Variants in QTMAN observed in about 807,000 individuals in gnomAD.
The protein encoded by QTMAN is tRNA-queuosine alpha-mannosyltransferase.
the QTMAN span, among the ~76,000 whole-genome samples, chr2:144,081,245 G>A: frequency 6.6e-6 from 1 of 152,090 alleles, no homozygotes; most frequent in Non-Finnish European, 1.5e-5. Flanking sequence ...GTTGTCCTGA[G>A]GGTTAAGATA....
At chr2:144,211,120 T>A in the QTMAN span, 1 of 152,170 alleles carries the variant, frequency 6.6e-6, no homozygotes, top group African/African-American at 2.4e-5. Context: ...ATGTTTCTTA[T>A]GGGTCTGGTT....
At chr2:144,107,676 C>T in the QTMAN span, among the ~76,000 whole-genome samples, 3 of 152,146 alleles carry the variant, frequency 2.0e-5, no homozygotes, top group East Asian at 5.8e-4. Context: ...ACCAGAGGTA[C>T]AAGGAGGAGC....
the QTMAN span, among the ~76,000 whole-genome samples, chr2:144,182,436 T>C: frequency 6.6e-6 from 1 of 151,332 alleles, no homozygotes; most frequent in Non-Finnish European, 1.5e-5. Flanking sequence ...AGGTCAAGAG[T>C]ACAAGACCAG....
At chr2:144,145,774 A>C in the QTMAN span, 1 of 1,569,748 alleles carries the variant, frequency 6.4e-7, no homozygotes, top group Admixed American at 1.7e-5. Context: ...TACTGTCCCA[A>C]GTATGTTTGA....
chr2:144,118,915 A>C, the QTMAN span, among the ~76,000 whole-genome samples: 30 of 152,254 alleles, frequency 2.0e-4, no homozygotes, highest in African/African-American at 7.2e-4. Context: ...ATTTAAAAAT[A>C]TGGATCGTGA....
the QTMAN span, among the ~76,000 whole-genome samples, chr2:144,124,406 T>C: frequency 6.6e-6 from 1 of 152,152 alleles, no homozygotes; most frequent in Non-Finnish European, 1.5e-5. Context: ...ACGAATTAAA[T>C]AAGATATGCA....
At chr2:144,106,919 G>T in the QTMAN span, among the ~76,000 whole-genome samples, 1 of 152,192 alleles carries the variant, frequency 6.6e-6, no homozygotes, top group African/African-American at 2.4e-5. Flanking sequence ...TCAGACCACA[G>T]TGCAATCAAA....
At chr2:144,202,218 A>G in the QTMAN span, among the ~76,000 whole-genome samples, 1 of 152,200 alleles carries the variant, frequency 6.6e-6, no homozygotes, top group Non-Finnish European at 1.5e-5. Context: ...AAAGCTGCCT[A>G]AAGAAAGGAT....
the QTMAN span, among the ~76,000 whole-genome samples, chr2:143,956,923 A>G: frequency 6.6e-6 from 1 of 152,138 alleles, no homozygotes; most frequent in Non-Finnish European, 1.5e-5. Context: ...TCACATCTCC[A>G]CAACAGAAAG....
At chr2:143,946,783 G>A in the QTMAN span, 2 of 431,498 alleles carry the variant, frequency 4.6e-6, no homozygotes, top group Non-Finnish European at 8.2e-6. Context: ...TTTTTGAACA[G>A]TCTCCTACAT....
the QTMAN span, among the ~76,000 whole-genome samples, chr2:144,192,541 T>C: frequency 1.3e-5 from 2 of 152,216 alleles, no homozygotes; most frequent in Non-Finnish European, 2.9e-5. Flanking sequence ...TCCTGCAGCA[T>C]ATTTACCTTC....
chr2:144,108,641 TA>T, the QTMAN span, among the ~76,000 whole-genome samples: 6,931 of 133,364 alleles, frequency 0.052, 238 homozygotes, highest in East Asian at 0.19. Flanking sequence ...CTGTCTCAAT[TA>T]AAAAAAAAAA....
At chr2:144,110,394 G>T in the QTMAN span, among the ~76,000 whole-genome samples, 1 of 152,116 alleles carries the variant, frequency 6.6e-6, no homozygotes, top group Non-Finnish European at 1.5e-5. Flanking sequence ...CCTGTCATAG[G>T]GTGAGGGGAG....
chr2:144,246,301 C>T, the QTMAN span, among the ~76,000 whole-genome samples: 4 of 152,232 alleles, frequency 2.6e-5, no homozygotes, highest in African/African-American at 7.2e-5. Flanking sequence ...AGGCCGGGCG[C>T]GGTGGCTCAC....
At chr2:144,251,977 C>T in the QTMAN span, among the ~76,000 whole-genome samples, 1 of 151,914 alleles carries the variant, frequency 6.6e-6, no homozygotes, top group Non-Finnish European at 1.5e-5. Flanking sequence ...GGAAGGACTG[C>T]TTGAGGGCAG....
chr2:144,071,014 TGAGAA>T, the QTMAN span, among the ~76,000 whole-genome samples: 1 of 152,106 alleles, frequency 6.6e-6, no homozygotes, highest in African/African-American at 2.4e-5. Context: ...TGGCTTTAAA[TGAGAA>T]AAGAGGGTTG....
chr2:144,302,311 T>C, the QTMAN span, among the ~76,000 whole-genome samples: 1 of 151,958 alleles, frequency 6.6e-6, no homozygotes, highest in Non-Finnish European at 1.5e-5. Flanking sequence ...AGAAGAGTCA[T>C]AAAATAAGTA....
At chr2:143,967,721 T>C in the QTMAN span, among the ~76,000 whole-genome samples, 1 of 152,040 alleles carries the variant, frequency 6.6e-6, no homozygotes, top group African/African-American at 2.4e-5. Flanking sequence ...AGATAAGAGA[T>C]TACGAATGCT....
chr2:144,227,568 A>C, the QTMAN span, among the ~76,000 whole-genome samples: 1 of 152,178 alleles, frequency 6.6e-6, no homozygotes, highest in Admixed American at 6.5e-5. Context: ...ATTGAGGTTC[A>C]ACATGTAGGC....
Sources: gnomAD v4.1 joint callset for allele counts (sites outside exome capture counted in the v4.1 genomes callset) on GRCh38, gnomAD v4.1.1 for gene constraint, MANE v1.5 for transcripts, NCBI Gene and HGNC (gene_info 2026-07-23, HGNC 2026-07-21) for gene names.